The following SCN9A variants were observed in gnomAD, a reference collection of about 807,000 sequenced individuals.
SCN9A encodes sodium voltage-gated channel alpha subunit 9, also known as sodium channel protein type 9 subunit alpha.
SCN9A carries 131 observed loss-of-function variants against 187.0 expected under a neutral mutation model. The ratio of observed to expected loss-of-function variants is 0.70; its 90% CI spans 0.61 to 0.81. SCN9A has a LOEUF of 0.81. SCN9A is among the 30% of genes least tolerant of loss of function. The pLI is 0.00. For missense variants in SCN9A, 2,252 were observed against 2,396.6 expected (o/e 0.94, Z 1.26); for synonymous variants, 809 against 808.6 (o/e 1.00, Z -0.01).
intron 1 of SCN9A, among the ~76,000 whole-genome samples, chr2:166,361,933 T>G (rs1018233524): frequency 2.6e-5 from 4 of 152,098 alleles, no homozygotes; most frequent in Non-Finnish European, 5.9e-5. Flanking sequence ...CCAAGCACAG[T>G]AACAGCTGCT....
In SCN9A at chr2:166,198,001, T is replaced by G. The variant is rs1029857728; in HGVS notation, c.*671A>C. On this transcript the variant is annotated 3_prime_UTR_variant, in exon 27 of 27. Transcript: ENST00000642356. ...ATACTCTAAAGGTAAGTCTTATCCTTGTTGGCATGTGAGTCAAGATGAATG... is the reference window on the plus strand; with the variant it reads ...ATACTCTAAAGGTAAGTCTTATCCTGGTTGGCATGTGAGTCAAGATGAATG... 6.6e-6 allele frequency: 1 copy of G among 152,186 alleles called. No individual in the cohort carries two copies. The highest frequency in any genetic ancestry group is 1.5e-5 in the Non-Finnish European group (1 of 68,014). The allele number at this position is 152,186 out of a possible 1,614,324, so 9.4% of individuals were successfully genotyped here. A position where few individuals can be genotyped will look rare whatever the true frequency, so the allele number is the denominator to read the frequency against.
At chr2:166,229,985 G>A (rs554594426) in intron 21 of SCN9A, among the ~76,000 whole-genome samples, 1 of 152,298 alleles carries the variant, frequency 6.6e-6, no homozygotes, top group South Asian at 2.1e-4. Flanking sequence ...AATGTATTAA[G>A]CAGGTTCTCA....
At chr2:166,345,855 G>A (rs114358903) in intron 1 of SCN9A, among the ~76,000 whole-genome samples, 1,890 of 152,128 alleles carry the variant, frequency 0.012, 20 homozygotes, top group Non-Finnish European at 0.018. Context: ...AACGATAGAA[G>A]TTTATCATGT....
chr2:166,242,589 G>A lies in SCN9A; in HGVS notation c.3540C>T (p.Asn1180=), dbSNP rs766241126. The A allele has an allele frequency of 1.4e-5, 22 of 1,564,406 alleles. No homozygotes were observed. The highest frequency in any genetic ancestry group is 1.9e-5 in the Non-Finnish European group (22 of 1,153,722). Residue 1180 remains asparagine (N), a synonymous_variant, in exon 19 of 27, where the codon AAC becomes AAT. Transcript: ENST00000642356. Reference sequence around the variant, plus strand: ...CAATCTTGTAGCAGGTTTTCCTGATGTTCCACCAGATTTTTCCTTTCCCTG... The same window carrying A: ...CAATCTTGTAGCAGGTTTTCCTGATATTCCACCAGATTTTTCCTTTCCCTG... The part of the protein sequence containing the change: ...IESGKGKIWW[N]IRKTCYKIVE...
chr2:166,236,524 G>T (rs1021973263), intron 20 of SCN9A, among the ~76,000 whole-genome samples: 2 of 152,062 alleles, frequency 1.3e-5, no homozygotes, highest in African/African-American at 4.8e-5. Flanking sequence ...GGGTTCAAGC[G>T]ATTCTTCTGC....
At chr2:166,326,865 T>G (rs1699375844) in intron 1 of SCN9A, among the ~76,000 whole-genome samples, 1 of 152,178 alleles carries the variant, frequency 6.6e-6, no homozygotes, top group African/African-American at 2.4e-5. Context: ...GCACTTTGCT[T>G]AAATAACATC....
At chr2:166,210,777 G>A (rs1055807404) in intron 24 of SCN9A, among the ~76,000 whole-genome samples, 20 of 152,016 alleles carry the variant, frequency 1.3e-4, no homozygotes, top group Middle Eastern at 3.2e-3. Flanking sequence ...AAGAAGTCTC[G>A]GCTGGGCATG....
In SCN9A at chr2:166,198,933, A is replaced by G. The variant is rs200206979; in HGVS notation, c.5706T>C (p.Arg1902=). Residue 1902 remains arginine (R), a synonymous_variant, in exon 27 of 27, where the codon CGT becomes CGC. Coordinates refer to ENST00000642356, the MANE Select transcript of SCN9A (RefSeq NM_001365536.1). The part of the protein sequence containing the change: ...SATVIQRAYR[R]YRLRQNVKNI... ...TTTTGACATTTTGCCTTAAGCGGTA[A>G]CGTCTATAAGCACGCTGAATGACAG... is the stretch of plus-strand genomic sequence containing the variant. The G allele has an allele frequency of 5.0e-6, 8 of 1,613,960 alleles. No homozygotes were observed. Among genetic ancestry groups the G allele is most frequent in the Non-Finnish European group, 6.8e-6 (8 of 1,179,886 alleles).
intron 1 of SCN9A, among the ~76,000 whole-genome samples, chr2:166,350,918 A>G (rs1700018709): frequency 6.6e-6 from 1 of 152,224 alleles, no homozygotes; most frequent in African/African-American, 2.4e-5. Context: ...CTACAAATAT[A>G]AAGCGAATGC....
intron 1 of SCN9A, among the ~76,000 whole-genome samples, chr2:166,360,014 G>A (rs1700240060): frequency 6.6e-6 from 1 of 151,528 alleles, no homozygotes; most frequent in Non-Finnish European, 1.5e-5. Flanking sequence ...CTGAGGTCAG[G>A]AATTCAAGAC....
intron 1 of SCN9A, among the ~76,000 whole-genome samples, chr2:166,369,779 T>A (rs764873930): frequency 7.2e-5 from 11 of 152,314 alleles, no homozygotes; most frequent in South Asian, 6.2e-4. Context: ...AGATACACTG[T>A]CTATTAGACT....
intron 24 of SCN9A, among the ~76,000 whole-genome samples, chr2:166,220,737 T>G (rs1694548439): frequency 6.6e-6 from 1 of 152,166 alleles, no homozygotes; most frequent in African/African-American, 2.4e-5. Flanking sequence ...ACTGAAAAAC[T>G]TTCCTGTAAG....
chr2:166,345,847 C>T (rs923162599), intron 1 of SCN9A, among the ~76,000 whole-genome samples: 15 of 152,058 alleles, frequency 9.9e-5, no homozygotes, highest in African/African-American at 2.4e-4. Flanking sequence ...TATCTTCTAA[C>T]GATAGAAGTT....
At chr2:166,278,800 T>C (rs1176000441) in intron 14 of SCN9A, among the ~76,000 whole-genome samples, 1 of 152,164 alleles carries the variant, frequency 6.6e-6, no homozygotes, top group Admixed American at 6.6e-5. Flanking sequence ...AAGTATTTAA[T>C]TGACAATGTG....
chr2:166,259,741 T>G (rs1375364937), intron 17 of SCN9A, among the ~76,000 whole-genome samples: 2 of 151,750 alleles, frequency 1.3e-5, no homozygotes, highest in Non-Finnish European at 1.5e-5. Context: ...TAAACAGCAT[T>G]GCAAAAAAGT....
intron 17 of SCN9A, among the ~76,000 whole-genome samples, chr2:166,261,178 G>A (rs185269802): frequency 1.1e-4 from 17 of 151,888 alleles, no homozygotes; most frequent in Admixed American, 8.6e-4. Context: ...ATAATTAGTA[G>A]CAGTAGTAAT....
intron 18 of SCN9A, among the ~76,000 whole-genome samples, chr2:166,244,803 A>G (rs549310040): frequency 6.6e-6 from 1 of 152,152 alleles, no homozygotes; most frequent in Admixed American, 6.6e-5. Context: ...ATTTCACATC[A>G]GTAGTTTGAA....
chr2:166,355,404 TG>T (rs763360058), intron 1 of SCN9A, among the ~76,000 whole-genome samples: 3 of 152,186 alleles, frequency 2.0e-5, no homozygotes, highest in Non-Finnish European at 4.4e-5. Context: ...TTATCTAAAA[TG>T]TGAATTTCGT....
intron 1 of SCN9A, among the ~76,000 whole-genome samples, chr2:166,340,535 TC>T (rs1559050768): frequency 0.037 from 4,325 of 117,644 alleles, 191 homozygotes; most frequent in East Asian, 0.057. Flanking sequence ...TCCTTTCTTT[TC>T]TTTCCCTTTC....
Sources: allele counts gnomAD v4.1 joint callset (sites outside exome capture counted in the v4.1 genomes callset), GRCh38; gene constraint gnomAD v4.1.1; transcripts MANE v1.5; gene names NCBI Gene and HGNC (gene_info 2026-07-23, HGNC 2026-07-21).